The following TMEM176B variants were observed in gnomAD, a reference collection of about 807,000 sequenced individuals.
TMEM176B encodes the protein transmembrane protein 176B.
TMEM176B carries 28 observed loss-of-function variants against 30.3 expected under a neutral mutation model. The observed-to-expected ratio is 0.92, with a 90% confidence interval of 0.68 to 1.27. The LOEUF is 1.27. Among genes scored for constraint, TMEM176B ranks in the 50% most tolerant of loss-of-function variants. The pLI is 0.00. For missense variants in TMEM176B, 349 were observed against 327.4 expected, an observed-to-expected ratio of 1.07 and a Z score of -0.51; for synonymous variants, 123 against 130.3, an observed-to-expected ratio of 0.94 and a Z score of 0.38.
chr7:150,794,753 C>G (rs947702087), intron 2 of TMEM176B, among the ~76,000 whole-genome samples: 2 of 152,012 alleles, frequency 1.3e-5, no homozygotes, highest in South Asian at 4.1e-4. Flanking sequence ...CCTGCTCCCC[C>G]TCTTTTCATT....
chr7:150,792,315 G>T, intron 5 of TMEM176B, 140 bp from the exon 6 acceptor site: 1 of 1,161,650 alleles, frequency 8.6e-7, no homozygotes, highest in Non-Finnish European at 1.2e-6. Flanking sequence ...TCCAGCCACA[G>T]CTTCCATCCC....
intron 1 of TMEM176B, among the ~76,000 whole-genome samples, chr7:150,799,478 A>C (rs1385948999): frequency 1.3e-5 from 2 of 152,264 alleles, no homozygotes; most frequent in African/African-American, 4.8e-5. Context: ...TCTAAAATAA[A>C]TCCTGCATAG....
At chr7:150,799,637 A>G (rs937681804) in intron 1 of TMEM176B, among the ~76,000 whole-genome samples, 4 of 152,262 alleles carry the variant, frequency 2.6e-5, no homozygotes, top group African/African-American at 9.6e-5. Flanking sequence ...TAGAAAGGAC[A>G]GGAGTTAGAC....
chr7:150,792,103 A>G lies in TMEM176B; in HGVS notation c.673T>C (p.Leu225=). Residue 225 remains leucine (L), a synonymous_variant, in exon 6 of 7, where the codon TTG becomes CTG. Transcript: ENST00000326442. ...VLKVIVSLVS[L]GVGLRNLCGQ... is the part of the protein sequence containing the mutation. ...CACAAGTTTCGAAGACCTACTCCCAAGGAAACCAAGGACACAATGACCTTC... is the reference window on the plus strand; with the variant it reads ...CACAAGTTTCGAAGACCTACTCCCAGGGAAACCAAGGACACAATGACCTTC... 1.2e-6 allele frequency: 2 copies of G among 1,614,038 alleles called. No individual in the cohort carries two copies. Among genetic ancestry groups the G allele is most frequent in the Non-Finnish European group, 1.7e-6 (2 of 1,179,978 alleles).
upstream of TMEM176B, chr7:150,801,092 G>A: frequency 1.5e-6 from 1 of 661,864 alleles, no homozygotes; most frequent in Non-Finnish European, 1.9e-6. Flanking sequence ...TGGCGGGGAT[G>A]GGGGTATCCG....
upstream of TMEM176B, chr7:150,800,970 T>G: frequency 1.0e-6 from 1 of 985,874 alleles, no homozygotes; most frequent in Non-Finnish European, 1.2e-6. Flanking sequence ...GGAAGCCAGG[T>G]GCGGCCCCGG....
At chr7:150,796,638 C>T (rs1798540236) in intron 1 of TMEM176B, 64 bp from the exon 2 acceptor site, 1 of 1,491,532 alleles carries the variant, frequency 6.7e-7, no homozygotes, top group African/African-American at 1.4e-5. Flanking sequence ...ATACACAGCA[C>T]AGGTGAAAGG....
intron 1 of TMEM176B, 200 bp from the exon 2 acceptor site, chr7:150,796,774 T>C (rs1798545739): frequency 5.3e-6 from 3 of 566,074 alleles, no homozygotes; most frequent in African/African-American, 1.9e-5. Flanking sequence ...GCCTGGCCAA[T>C]GTGGCAAAAC....
At chr7:150,795,837 C>T (rs978886341) in intron 2 of TMEM176B, among the ~76,000 whole-genome samples, 4 of 152,306 alleles carry the variant, frequency 2.6e-5, no homozygotes, top group African/African-American at 9.6e-5. Context: ...GGGAATTCAA[C>T]CCACTTTCCT....
chr7:150,794,907 CCACACA>C (rs3220239), intron 2 of TMEM176B, among the ~76,000 whole-genome samples: 11,735 of 141,542 alleles, frequency 0.083, 551 homozygotes, highest in African/African-American at 0.13. Flanking sequence ...TCCCCTACTA[CCACACA>C]CACACACACA....
chr7:150,793,409 T>C (rs10215385), intron 4 of TMEM176B, 94 bp from the exon 5 acceptor site: 242,013 of 1,505,934 alleles, frequency 0.16, 20,468 homozygotes, highest in African/African-American at 0.18. Flanking sequence ...TCCCCAGCCC[T>C]TGTCCAGGAA....
chr7:150,797,594 T>G (rs1798577082), intron 1 of TMEM176B, among the ~76,000 whole-genome samples: 1 of 152,252 alleles, frequency 6.6e-6, no homozygotes, highest in African/African-American at 2.4e-5. Flanking sequence ...GTGGATGTCC[T>G]CACAGAAGTA....
chr7:150,800,865 T>A, upstream of TMEM176B: 6 of 976,392 alleles, frequency 6.1e-6, no homozygotes, highest in Non-Finnish European at 7.3e-6. Context: ...CCCCCGGGCC[T>A]CCTTCCGCAC....
rs1798424842 is a variant in TMEM176B, at chr7:150,794,061, A to G, written c.215T>C (p.Ile72Thr). 1 of 1,613,126 alleles carries G rather than the reference A, an allele frequency of 6.2e-7. No individual in the cohort carries two copies. The highest frequency in any genetic ancestry group is 8.5e-7 in the Non-Finnish European group (1 of 1,179,420). The part of the protein sequence containing the change: ...YEQLALGVTQ[I>T]LLGVVSCVLG... ...AACACAACTCACAACCCCCAGCAAT[A>G]TCTGAGTCACCTGCAAGACAGGATG... The change falls in exon 3 of 7, where the codon ATA (isoleucine) becomes ACA (threonine). Residue 72 changes from isoleucine (I) to threonine (T), a missense_variant. Physicochemically the swap from Ile to Thr is moderately conservative, Grantham distance 89 (BLOSUM62 -1). Coordinates refer to ENST00000326442, the MANE Select transcript of TMEM176B (RefSeq NM_001101312.2).
chr7:150,794,635 C>T (rs1585275954), intron 2 of TMEM176B, among the ~76,000 whole-genome samples: 1 of 151,860 alleles, frequency 6.6e-6, no homozygotes, highest in East Asian at 2.0e-4. Context: ...GGCTCAAGGG[C>T]CATCTCCACC....
At chr7:150,794,197 G>T in intron 2 of TMEM176B, 126 bp from the exon 3 acceptor site, 1 of 629,732 alleles carries the variant, frequency 1.6e-6, no homozygotes, top group Non-Finnish European at 2.8e-6. Flanking sequence ...TGACCTCTCT[G>T]CAGCTCTGAT....
chr7:150,799,153 T>C (rs1378885905), intron 1 of TMEM176B, among the ~76,000 whole-genome samples: 1 of 152,244 alleles, frequency 6.6e-6, no homozygotes. Context: ...CCAAGTTCTG[T>C]TGCTGTCATT....
At chr7:150,796,637 A>G in intron 1 of TMEM176B, 63 bp from the exon 2 acceptor site, 1 of 1,505,102 alleles carries the variant, frequency 6.6e-7, no homozygotes, top group Non-Finnish European at 9.2e-7. Flanking sequence ...AATACACAGC[A>G]CAGGTGAAAG....
intron 1 of TMEM176B, among the ~76,000 whole-genome samples, chr7:150,796,980 CAAACAAA>C (rs1244557857): frequency 1.3e-5 from 2 of 151,882 alleles, no homozygotes; most frequent in African/African-American, 4.8e-5. Flanking sequence ...AACAAACAAA[CAAACAAA>C]AAACAGTGTC....
Sources: gnomAD v4.1 joint callset for allele counts (sites outside exome capture counted in the v4.1 genomes callset) on GRCh38, gnomAD v4.1.1 for gene constraint, MANE v1.5 for transcripts, NCBI Gene and HGNC (gene_info 2026-07-23, HGNC 2026-07-21) for gene names.